Variants in ZNF184 observed in about 807,000 individuals in gnomAD.
The protein encoded by ZNF184 is zinc finger protein 184, also known as zinc finger protein 184 (Kruppel-like).
Under a neutral mutation model 54.4 loss-of-function variants are expected in ZNF184, and 16 were observed. The observed-to-expected ratio is 0.29, with a 90% CI of 0.20 to 0.45. The LOEUF is 0.45. Among genes scored for constraint, ZNF184 ranks in the 20% least tolerant of loss-of-function variants. The probability of loss-of-function intolerance (pLI) is 1.00; values close to 1 mark genes in which losing one functional copy is unlikely to be tolerated. For missense variants in ZNF184, 681 were observed against 888.2 expected (o/e 0.77, Z 2.97); for synonymous variants, 254 against 295.3 (o/e 0.86, Z 1.43).
At chr6:27,450,397 C>T (rs1762687112), downstream of ZNF184, among the ~76,000 whole-genome samples, 1 of 130,820 alleles carries the variant, frequency 7.6e-6, no homozygotes, top group Non-Finnish European at 1.7e-5. Flanking sequence ...AAGGGTAGAG[C>T]CCTCACCAAT....
chr6:27,406,699 T>C, the ZNF184 span: 1 of 152,222 alleles, frequency 6.6e-6, no homozygotes, highest in African/African-American at 2.4e-5. Context: ...CTCCTACAAC[T>C]TAGCAGGGGC....
At chr6:27,425,096 C>G in the ZNF184 span, among the ~76,000 whole-genome samples, 1 of 152,200 alleles carries the variant, frequency 6.6e-6, no homozygotes, top group Non-Finnish European at 1.5e-5. Flanking sequence ...TGCCCGGGGC[C>G]GCCAGGGCCG....
At chr6:27,425,769 A>C in the ZNF184 span, among the ~76,000 whole-genome samples, 1 of 152,202 alleles carries the variant, frequency 6.6e-6, no homozygotes, top group Admixed American at 6.5e-5. Context: ...CTACTCAGTG[A>C]TTCTTTTCCC....
chr6:27,454,350 C>A (rs1196907450), intron 5 of ZNF184, among the ~76,000 whole-genome samples: 1 of 152,186 alleles, frequency 6.6e-6, no homozygotes, highest in Non-Finnish European at 1.5e-5. Flanking sequence ...CCTGGCACTA[C>A]AGGTAACAGC....
At chr6:27,463,382 T>C (rs1763048596) in intron 3 of ZNF184, among the ~76,000 whole-genome samples, 1 of 151,204 alleles carries the variant, frequency 6.6e-6, no homozygotes, top group African/African-American at 2.4e-5. Context: ...AAGAGTAAGC[T>C]TTGAAGAAGA....
chr6:27,458,805 C>A (rs1245250258), intron 3 of ZNF184, among the ~76,000 whole-genome samples: 1 of 152,116 alleles, frequency 6.6e-6, no homozygotes, highest in Non-Finnish European at 1.5e-5. Context: ...TTACTGACAA[C>A]AGCTAAGATA....
intron 3 of ZNF184, among the ~76,000 whole-genome samples, chr6:27,465,623 G>GTTT (rs1363243130): frequency 6.6e-6 from 1 of 150,854 alleles, no homozygotes. Context: ...TAAATTTCAA[G>GTTT]GCAAAAGATA....
the ZNF184 span, among the ~76,000 whole-genome samples, chr6:27,436,867 T>A: frequency 6.6e-6 from 1 of 152,170 alleles, no homozygotes; most frequent in African/African-American, 2.4e-5. Flanking sequence ...CAATGAAACA[T>A]CTGAAAAAGG....
chr6:27,406,162 G>A, the ZNF184 span: 7 of 152,350 alleles, frequency 4.6e-5, no homozygotes, highest in African/African-American at 1.7e-4. Context: ...AACTGTTCCT[G>A]GCTCTCTGGA....
the ZNF184 span, among the ~76,000 whole-genome samples, chr6:27,417,966 T>C: frequency 6.6e-6 from 1 of 152,140 alleles, no homozygotes; most frequent in Non-Finnish European, 1.5e-5. Context: ...TAAACCAAGT[T>C]TCGTGGGCTG....
chr6:27,418,496 T>C, the ZNF184 span, among the ~76,000 whole-genome samples: 1 of 152,354 alleles, frequency 6.6e-6, no homozygotes, highest in Middle Eastern at 3.4e-3. Flanking sequence ...TTACAGTATG[T>C]ATTTGTGCCT....
chr6:27,412,547 AGTAAATATT>A, the ZNF184 span, among the ~76,000 whole-genome samples: 67 of 152,364 alleles, frequency 4.4e-4, no homozygotes, highest in Admixed American at 1.1e-3. Flanking sequence ...TCCATAAGTC[AGTAAATATT>A]GTAAATATTG....
the ZNF184 span, among the ~76,000 whole-genome samples, chr6:27,438,810 A>G: frequency 6.6e-6 from 1 of 151,984 alleles, no homozygotes; most frequent in Non-Finnish European, 1.5e-5. Flanking sequence ...AATTCCTCAA[A>G]TTTTGTATTT....
At chr6:27,465,359 C>T (rs1213383059) in intron 3 of ZNF184, among the ~76,000 whole-genome samples, 1 of 150,526 alleles carries the variant, frequency 6.6e-6, no homozygotes, top group Non-Finnish European at 1.5e-5. Context: ...GTGGCAGGTG[C>T]CTGTAGTCCT....
the ZNF184 span, among the ~76,000 whole-genome samples, chr6:27,425,176 C>T: frequency 0.59 from 90,495 of 152,124 alleles, 27,271 homozygotes; most frequent in Middle Eastern, 0.75. Context: ...CCGCAAGCGC[C>T]GCGCGCAACC....
chr6:27,417,663 G>T, the ZNF184 span, among the ~76,000 whole-genome samples: 1 of 152,070 alleles, frequency 6.6e-6, no homozygotes, highest in African/African-American at 2.4e-5. Context: ...AGATTGGATG[G>T]ACTTCATTGC....
the ZNF184 span, among the ~76,000 whole-genome samples, chr6:27,441,099 C>T: frequency 6.6e-6 from 1 of 152,162 alleles, no homozygotes; most frequent in Non-Finnish European, 1.5e-5. Flanking sequence ...GTCCTTGTTA[C>T]TAAAAGAAAC....
downstream of ZNF184, among the ~76,000 whole-genome samples, chr6:27,449,783 T>C (rs895697781): frequency 6.6e-6 from 1 of 152,120 alleles, no homozygotes; most frequent in Non-Finnish European, 1.5e-5. Flanking sequence ...ATTTTAACTT[T>C]GCTCTACTCT....
chr6:27,452,788 T>G lies in ZNF184; in HGVS notation c.771A>C (p.Lys257Asn). The G allele has an allele frequency of 1.2e-6, 2 of 1,613,324 alleles. No individual in the cohort carries two copies. The highest frequency in any genetic ancestry group is 1.7e-6 in the Non-Finnish European group (2 of 1,179,796). Residue 257 changes from lysine (K) to asparagine (N), a missense_variant, in exon 6 of 6, where the codon AAA (lysine) becomes AAC (asparagine). Physicochemically the swap from Lys to Asn is moderately conservative, Grantham distance 94. Coordinates refer to ENST00000683788, the MANE Select transcript of ZNF184 (RefSeq NM_001318891.2). The surrounding 1 kb of genome is among the most constrained non-coding windows in gnomAD (Gnocchi z 5.5). ...EKPYKCNECE[K>N]AFSRSENLIN... is the part of the protein sequence containing the mutation. ...TAAGGTTTTCACTCCGGCTGAAGGC[T>G]TTTTCACATTCATTACATTTGTAGG...
Sources: allele counts gnomAD v4.1 joint callset (sites outside exome capture counted in the v4.1 genomes callset), GRCh38; gene constraint gnomAD v4.1.1; non-coding constraint Gnocchi (gnomAD v3.1); transcripts MANE v1.5; gene names NCBI Gene and HGNC (gene_info 2026-07-23, HGNC 2026-07-21).